Variants in FNDC1 observed in about 807,000 individuals in gnomAD.
FNDC1 encodes the protein fibronectin type III domain containing 1.
Under a neutral mutation model 168.0 loss-of-function variants are expected in FNDC1, and 96 were observed. The observed-to-expected ratio is 0.57, with a 90% confidence interval of 0.48 to 0.68. FNDC1 has a LOEUF of 0.68. Among genes scored for constraint, FNDC1 ranks in the 30% least tolerant of loss-of-function variants. FNDC1 has a pLI of 0.00. For synonymous variants in FNDC1, 1,099 were observed against 1,025.9 expected, an observed-to-expected ratio of 1.07 and a Z score of -1.36; for missense variants, 2,587 against 2,482.1, an observed-to-expected ratio of 1.04 and a Z score of -0.90.
chr6:159,239,431 G>T, intron 13 of FNDC1, 86 bp from the exon 14 acceptor site: 1 of 1,193,606 alleles, frequency 8.4e-7, no homozygotes, highest in Non-Finnish European at 1.2e-6. Flanking sequence ...TAATACATAA[G>T]CTTTGAGAAG....
In FNDC1 at chr6:159,251,634, G is replaced by T. The variant is rs1378423792; in HGVS notation, c.5065+102G>T. 5 of 867,052 alleles carry T rather than the reference G, an allele frequency of 5.8e-6. No individual in the cohort carries two copies. In the African/African-American group the frequency reaches 8.3e-5, roughly 14 times the overall value. 53.7% of individuals were successfully genotyped at this position (867,052 alleles called of 1,614,324 possible). A position where few individuals can be genotyped will look rare whatever the true frequency, so the allele number is the denominator to read the frequency against. ...GGATGGGTGCATGCATGGATGAGTG[G>T]GTTGGATGGGTTGGATGGATGAATG... On this transcript the variant is annotated intron_variant, in intron 17 of 22. Transcript: ENST00000297267.
At chr6:159,202,692 C>G (rs191653885) in intron 4 of FNDC1, among the ~76,000 whole-genome samples, 5 of 152,206 alleles carry the variant, frequency 3.3e-5, no homozygotes, top group African/African-American at 9.7e-5. Context: ...GCTATCTCAA[C>G]TGAATTGTCT....
chr6:159,204,816 TCA>T (rs1275763584), intron 4 of FNDC1, among the ~76,000 whole-genome samples: 2 of 152,226 alleles, frequency 1.3e-5, no homozygotes, highest in Non-Finnish European at 1.5e-5. Context: ...CTGATTGTCC[TCA>T]CACAGTTTCC....
At chr6:159,229,719 A>G (rs1583889515) in intron 9 of FNDC1, 96 bp from the exon 10 acceptor site, 1 of 1,072,680 alleles carries the variant, frequency 9.3e-7, no homozygotes, top group Non-Finnish European at 1.3e-6. Context: ...AATTTTAGTA[A>G]TGCACGTTCT....
intron 1 of FNDC1, among the ~76,000 whole-genome samples, chr6:159,197,145 G>T (rs1306709119): frequency 6.6e-6 from 1 of 152,180 alleles, no homozygotes; most frequent in Admixed American, 6.5e-5. Context: ...TAGCAAGACA[G>T]TGTAATCAAG....
intron 16 of FNDC1, 61 bp from the exon 17 acceptor site, chr6:159,251,241 A>C: frequency 8.0e-7 from 1 of 1,255,096 alleles, no homozygotes; most frequent in Non-Finnish European, 1.1e-6. Flanking sequence ...AACAGATGCT[A>C]TGTTTCTGCC....
At chr6:159,238,989 G>A (rs1783332337) in intron 13 of FNDC1, among the ~76,000 whole-genome samples, 1 of 152,106 alleles carries the variant, frequency 6.6e-6, no homozygotes, top group South Asian at 2.1e-4. Context: ...GCTCAGAATA[G>A]TTTTTACATT....
Position 159,232,882 on chromosome 6 carries a change from T to C in FNDC1, c.2370T>C (p.Gly790=). The C allele has an allele frequency of 6.2e-7, 1 of 1,613,366 alleles. No homozygotes were observed. The highest frequency in any genetic ancestry group is 8.5e-7 in the Non-Finnish European group (1 of 1,179,854). Residue 790 remains glycine, a synonymous_variant, in exon 11 of 23, where the codon GGT becomes GGC. Transcript: ENST00000297267. The surrounding 1 kb of genome is among the most constrained non-coding windows in gnomAD (Gnocchi z 4.9). ...AGGCTTCTGATGGTGAAAGCCACGGTGACGGCGATAGGGAAGACGGCGGAA... is the reference window on the plus strand; with the variant it reads ...AGGCTTCTGATGGTGAAAGCCACGGCGACGGCGATAGGGAAGACGGCGGAA... ...GAEASDGESH[G]DGDREDGGRQ...
intron 17 of FNDC1, among the ~76,000 whole-genome samples, chr6:159,253,235 G>C (rs1188644071): frequency 2.0e-5 from 3 of 152,142 alleles, no homozygotes; most frequent in Non-Finnish European, 2.9e-5. Context: ...CTCCTGTCAA[G>C]CTGATTACTG....
intron 22 of FNDC1, among the ~76,000 whole-genome samples, chr6:159,269,857 A>C (rs552301050): frequency 6.6e-6 from 1 of 152,078 alleles, no homozygotes; most frequent in African/African-American, 2.4e-5. Context: ...CCCACCCACA[A>C]TATGGAGGGT....
chr6:159,223,870 C>T (rs762438115), intron 7 of FNDC1, among the ~76,000 whole-genome samples: 2 of 152,226 alleles, frequency 1.3e-5, no homozygotes, highest in African/African-American at 2.4e-5. Flanking sequence ...GTAGTGCACA[C>T]AGCAGGAATT....
At chr6:159,220,827 G>A (rs991011458) in intron 5 of FNDC1, among the ~76,000 whole-genome samples, 2 of 152,154 alleles carry the variant, frequency 1.3e-5, no homozygotes, top group Non-Finnish European at 2.9e-5. Flanking sequence ...CCTGTGCACG[G>A]GTTTGGCACC....
chr6:159,169,620 C>T lies in FNDC1; in HGVS notation c.24C>T (p.Thr8=), dbSNP rs1037381998. 6 of 1,135,600 alleles carry T rather than the reference C, an allele frequency of 5.3e-6. No individual in the cohort carries two copies. The African/African-American group carries it at 9.9e-5, about 19-fold the overall frequency. The allele number at this position is 1,135,600 out of a possible 1,614,324, so 70.3% of individuals were successfully genotyped here. MAPEAGA[T]LRAPRRLSWA... ...CGATGGCCCCCGAGGCCGGGGCGAC[C>T]CTGCGCGCGCCGCGCCGGCTGTCCT... The change falls in exon 1 of 23, where the codon ACC becomes ACT. Residue 8 remains threonine, a synonymous_variant. Transcript: ENST00000297267. This position sits in a 1 kb window ranked among gnomAD's most constrained non-coding sequence, Gnocchi z 6.8.
rs537316253 is a variant in FNDC1 at position 159,235,072 on chromosome 6, T to C, written c.3967+593T>C. The stretch of plus-strand genomic sequence containing the variant: ...GGTATGAATTGCTCAGACAGTGCAA[T>C]TAGTGCATGTTGTCTAAAACCTCCA... On this transcript the variant is annotated intron_variant, in intron 11 of 22. Transcript: ENST00000297267. Among the ~76,000 whole-genome samples the C allele has an allele frequency of 4.6e-5, 7 of 152,354 alleles. No homozygotes were observed. In the South Asian group the frequency reaches 1.5e-3, roughly 32 times the overall value.
In FNDC1 at chr6:159,249,075, C is replaced by T. The variant is rs748889396; in HGVS notation, c.4727C>T (p.Thr1576Ile). 45 of 1,604,120 alleles carry T rather than the reference C, an allele frequency of 2.8e-5. No individual in the cohort carries two copies. The highest frequency in any genetic ancestry group is 3.7e-5 in the Non-Finnish European group (44 of 1,175,224). Residue 1576 changes from threonine to isoleucine, a missense_variant, in exon 16 of 23, where the codon ACT becomes ATT. Thr to Ile is a moderately conservative substitution (Grantham distance 89). Coordinates refer to ENST00000297267, the MANE Select transcript of FNDC1 (RefSeq NM_032532.3). ...EFETSRPPTT[T>I]EPSTTATTPR... ...GAGACGTCAAGGCCACCAACCACCA[C>T]TGAGCCTTCGACCACTGCTACCACA...
chr6:159,192,038 T>A (rs1427695053), intron 1 of FNDC1, among the ~76,000 whole-genome samples: 1 of 152,112 alleles, frequency 6.6e-6, no homozygotes, highest in Non-Finnish European at 1.5e-5. Flanking sequence ...TCTAGCTAAT[T>A]TTTTTGTATT....
intron 7 of FNDC1, 128 bp from the exon 8 acceptor site, chr6:159,225,407 T>A: frequency 1.4e-6 from 1 of 735,570 alleles, no homozygotes; most frequent in Non-Finnish European, 2.1e-6. Context: ...AAAGTTTAGA[T>A]TTTTCTCCTC....
intron 4 of FNDC1, among the ~76,000 whole-genome samples, chr6:159,213,325 A>T (rs767918705): frequency 5.3e-5 from 8 of 152,216 alleles, no homozygotes; most frequent in Non-Finnish European, 1.0e-4. Context: ...GCCATCTGTG[A>T]CCAGGCTCCT....
chr6:159,243,223 A>G (rs1783465710), intron 14 of FNDC1: 1 of 152,014 alleles, frequency 6.6e-6, no homozygotes, highest in Admixed American at 6.5e-5. Flanking sequence ...TAGATGATAT[A>G]TATGGAATGT....
Sources: gnomAD v4.1 joint callset for allele counts (sites outside exome capture counted in the v4.1 genomes callset) on GRCh38, gnomAD v4.1.1 for gene constraint, Gnocchi (gnomAD v3.1) non-coding constraint, MANE v1.5 for transcripts, NCBI Gene and HGNC (gene_info 2026-07-23, HGNC 2026-07-21) for gene names.